NIM1K: variants seen among roughly 807,000 people sequenced by gnomAD.
NIM1K encodes NIM1 serine/threonine protein kinase, also known as serine/threonine-protein kinase NIM1.
In NIM1K, 35 loss-of-function variants were observed where a neutral mutation model predicts 37.1. That is an observed-to-expected ratio of 0.94 (90% CI 0.72 to 1.25). The LOEUF (loss-of-function observed/expected upper bound fraction) is 1.25, where lower values mean the gene tolerates loss of function less well. Ranked by LOEUF, NIM1K falls within the 50% of genes most tolerant of loss-of-function variation. The pLI is 0.00. For synonymous variants in NIM1K, 234 were observed against 206.6 expected (o/e 1.13, Z -1.14); for missense variants, 564 against 548.0 (o/e 1.03, Z -0.29).
intron 2 of NIM1K, among the ~76,000 whole-genome samples, chr5:43,254,505 G>C (rs977619328): frequency 2.6e-5 from 4 of 152,178 alleles, no homozygotes; most frequent in Admixed American, 1.3e-4. Flanking sequence ...GATCCTTAAA[G>C]TTCCTCCATG....
In NIM1K at chr5:43,255,753, A is replaced by AG. The variant is rs1234182283; in HGVS notation, c.292+9686_292+9687insG. 3.1e-3 allele frequency among the ~76,000 whole-genome samples: 415 copies of AG among 132,936 alleles called. 4 individuals carry two copies. Among genetic ancestry groups the AG allele is most frequent in the African/African-American group, 0.01 (382 of 36,964 alleles). The allele number at this position is 132,936 out of a possible 152,430, so 87.2% of individuals were successfully genotyped here. A position where few individuals can be genotyped will look rare whatever the true frequency, so the allele number is the denominator to read the frequency against. ...ACAGAGCCAGACTCTGTCTCAAAAAAAAAAGAAAGAAAGAAAGAAAGAAAG... is the reference window on the plus strand; with the variant it reads ...ACAGAGCCAGACTCTGTCTCAAAAAAGAAAAGAAAGAAAGAAAGAAAGAAAG... On this transcript the variant is annotated intron_variant, in intron 2 of 3. Transcript: ENST00000326035.
chr5:43,238,039 ATTTTTTT>A (rs71608701), intron 1 of NIM1K, among the ~76,000 whole-genome samples: 1 of 120,618 alleles, frequency 8.3e-6, no homozygotes. Context: ...CTTCAATTTA[ATTTTTTT>A]TTTTTTTTTT....
At chr5:43,203,881 C>G (rs1752069452) in intron 1 of NIM1K, among the ~76,000 whole-genome samples, 1 of 151,726 alleles carries the variant, frequency 6.6e-6, no homozygotes. Context: ...CAAAAATTAG[C>G]TGGGCATGGT....
intron 2 of NIM1K, among the ~76,000 whole-genome samples, chr5:43,275,623 C>T (rs956672061): frequency 4.4e-4 from 67 of 152,204 alleles, no homozygotes; most frequent in African/African-American, 1.5e-3. Flanking sequence ...ATGCCAGGCA[C>T]TGAGAGTGAA....
chr5:43,218,444 C>T (rs554671401), intron 1 of NIM1K, among the ~76,000 whole-genome samples: 119 of 152,304 alleles, frequency 7.8e-4, no homozygotes, highest in Non-Finnish European at 1.3e-3. Context: ...AGCATGGTAA[C>T]ATCATCTGCT....
At chr5:43,244,900 GGT>G (rs1211726808) in intron 1 of NIM1K, among the ~76,000 whole-genome samples, 180 bp from the exon 2 acceptor site, 3 of 152,116 alleles carry the variant, frequency 2.0e-5, no homozygotes, top group African/African-American at 7.2e-5. Context: ...TAGGTTGAGA[GGT>G]GTGTGTATAT....
At chr5:43,269,298 G>GA (rs1226074371) in intron 2 of NIM1K, among the ~76,000 whole-genome samples, 1 of 92,272 alleles carries the variant, frequency 1.1e-5, no homozygotes, top group African/African-American at 4.4e-5. Flanking sequence ...AACAAAGTGA[G>GA]ACTTCATCTC....
chr5:43,261,511 C>T (rs1474776680), intron 2 of NIM1K, among the ~76,000 whole-genome samples: 3 of 151,786 alleles, frequency 2.0e-5, no homozygotes, highest in African/African-American at 7.3e-5. Flanking sequence ...GGATATTAGC[C>T]CTTTGTCAGG....
intron 1 of NIM1K, among the ~76,000 whole-genome samples, chr5:43,228,381 C>G (rs1410124573): frequency 6.6e-6 from 1 of 152,144 alleles, no homozygotes; most frequent in Middle Eastern, 3.4e-3. Context: ...CTCCTGACCT[C>G]GTGATCCGCC....
chr5:43,213,217 C>T (rs576372704), intron 1 of NIM1K, among the ~76,000 whole-genome samples: 1,640 of 45,308 alleles, frequency 0.036, 46 homozygotes, highest in African/African-American at 0.11. Flanking sequence ...TTCTTTCTTT[C>T]TTTCTTTCCT....
At chr5:43,203,995 C>T (rs1424980093) in intron 1 of NIM1K, among the ~76,000 whole-genome samples, 1 of 149,820 alleles carries the variant, frequency 6.7e-6, no homozygotes, top group Non-Finnish European at 1.5e-5. Flanking sequence ...CACTGCACTC[C>T]AGCCTGGGCA....
At chr5:43,213,285 CTTT>C (rs1561075019) in intron 1 of NIM1K, among the ~76,000 whole-genome samples, 1 of 18,388 alleles carries the variant, frequency 5.4e-5, no homozygotes, top group Non-Finnish European at 1.9e-4. Context: ...TTCTTGTTTC[CTTT>C]CCTTTTCTTT....
chr5:43,193,026 A>G (rs533256470), intron 1 of NIM1K: 1 of 152,354 alleles, frequency 6.6e-6, no homozygotes, highest in East Asian at 1.9e-4. Context: ...CTCCCCAGCG[A>G]AAGGTGCTTC....
At chr5:43,263,327 T>G (rs2112287529) in intron 2 of NIM1K, among the ~76,000 whole-genome samples, 1 of 152,314 alleles carries the variant, frequency 6.6e-6, no homozygotes, top group African/African-American at 2.4e-5. Flanking sequence ...TTCTTCCTGG[T>G]TTAGTCTTGG....
intron 2 of NIM1K, among the ~76,000 whole-genome samples, chr5:43,270,696 G>A (rs1239884981): frequency 6.6e-6 from 1 of 152,190 alleles, no homozygotes; most frequent in Non-Finnish European, 1.5e-5. Flanking sequence ...AAGCCATTAT[G>A]TCCAACAGCA....
In NIM1K at chr5:43,205,018, C is replaced by A. The variant is rs368794032; in HGVS notation, c.-695+12607C>A. Reference sequence around the variant, plus strand: ...CTCAAAAAAACACGAACAACAACAACAAAAAAACAAAAACAAGGCATGTCA... The same window carrying A: ...CTCAAAAAAACACGAACAACAACAAAAAAAAAACAAAAACAAGGCATGTCA... On this transcript the variant is annotated intron_variant, in intron 1 of 3. Transcript: ENST00000326035. Among the ~76,000 whole-genome samples the A allele has an allele frequency of 2.6e-4, 39 of 151,850 alleles. 1 individual carries two copies. Among genetic ancestry groups the A allele is most frequent in the Admixed American group, 1.2e-3 (18 of 15,236 alleles).
chr5:43,254,178 T>C (rs573469713), intron 2 of NIM1K, among the ~76,000 whole-genome samples: 14 of 152,220 alleles, frequency 9.2e-5, no homozygotes, highest in African/African-American at 3.1e-4. Flanking sequence ...CTTAGGATAT[T>C]GAAAAACCTT....
intron 3 of NIM1K, 120 bp from the exon 4 acceptor site, chr5:43,279,860 G>A (rs73096638): frequency 4.5e-5 from 37 of 820,632 alleles, no homozygotes; most frequent in Non-Finnish European, 7.0e-5. Context: ...ATGACTTAAG[G>A]TGATCCTCAC....
chr5:43,209,591 C>CTTTA (rs1358548863), intron 1 of NIM1K, among the ~76,000 whole-genome samples: 1 of 151,324 alleles, frequency 6.6e-6, no homozygotes, highest in Non-Finnish European at 1.5e-5. Context: ...TCCATGCTAC[C>CTTTA]TTTATTTATT....
Sources: gnomAD v4.1 joint callset for allele counts (sites outside exome capture counted in the v4.1 genomes callset) on GRCh38, gnomAD v4.1.1 for gene constraint, MANE v1.5 for transcripts, NCBI Gene and HGNC (gene_info 2026-07-23, HGNC 2026-07-21) for gene names.